The following TMEM132B variants were observed in gnomAD, a reference collection of about 807,000 sequenced individuals.
TMEM132B encodes transmembrane protein 132B.
A neutral mutation model predicts 90.8 loss-of-function variants in TMEM132B; 18 were observed. The observed-to-expected ratio is 0.20, with a 90% CI of 0.14 to 0.29. The LOEUF (loss-of-function observed/expected upper bound fraction) is 0.29, where lower values mean the gene tolerates loss of function less well. Among genes scored for constraint, TMEM132B ranks in the 10% least tolerant of loss-of-function variants. The pLI is 1.00. For missense variants in TMEM132B, 1,096 were observed against 1,326.8 expected (o/e 0.83, Z 2.70); for synonymous variants, 504 against 523.3 (o/e 0.96, Z 0.50).
chr12:125,528,398 T>C (rs989532373), intron 4 of TMEM132B, among the ~76,000 whole-genome samples: 2 of 152,266 alleles, frequency 1.3e-5, no homozygotes, highest in African/African-American at 2.4e-5. Context: ...TCTAGGCAAC[T>C]GGGCACATGG....
chr12:125,625,130 CTTTTTTTTTT>C (rs1169262449), intron 5 of TMEM132B, among the ~76,000 whole-genome samples: 24 of 103,906 alleles, frequency 2.3e-4, no homozygotes, highest in African/African-American at 8.6e-4. Context: ...GATTTGACTT[CTTTTTTTTTT>C]TTTTTTTTTT....
intron 4 of TMEM132B, among the ~76,000 whole-genome samples, chr12:125,563,598 C>CAAAAAAAAA (rs77003788): frequency 6.7e-6 from 1 of 150,180 alleles, no homozygotes; most frequent in African/African-American, 2.5e-5. Flanking sequence ...AACAAACAAA[C>CAAAAAAAAA]AAAAAAAAAC....
At chr12:125,471,794 C>G (rs752844203) in intron 3 of TMEM132B, among the ~76,000 whole-genome samples, 23 of 152,264 alleles carry the variant, frequency 1.5e-4, no homozygotes, top group Non-Finnish European at 2.8e-4. Context: ...CTCAAAATGT[C>G]CTGCTGAAGC....
intron 1 of TMEM132B, among the ~76,000 whole-genome samples, chr12:125,340,425 GAGACAC>G (rs1877143227): frequency 6.6e-6 from 1 of 151,974 alleles, no homozygotes; most frequent in South Asian, 2.1e-4. Flanking sequence ...TAAAAATGAA[GAGACAC>G]ACCCATCTAT....
chr12:125,257,741 T>C (rs1022822821), intron 1 of TMEM132B, among the ~76,000 whole-genome samples: 3 of 152,132 alleles, frequency 2.0e-5, no homozygotes, highest in Non-Finnish European at 4.4e-5. Flanking sequence ...GGTGGGCAGA[T>C]AGAGATTTGA....
rs371347177 is a variant in TMEM132B, at chr12:125,396,459, T to C, written c.960-19072T>C. Reference sequence around the variant, plus strand: ...TCTGTTCTAAGCACTTTGTATATACTGTCTCCATTTAATCCCTGCAGTGAC... The same window carrying C: ...TCTGTTCTAAGCACTTTGTATATACCGTCTCCATTTAATCCCTGCAGTGAC... On this transcript the variant is annotated intron_variant, in intron 2 of 8. Coordinates refer to ENST00000682704, the MANE Select transcript of TMEM132B (RefSeq NM_001366854.1). Among the ~76,000 whole-genome samples the C allele has an allele frequency of 2.2e-4, 34 of 152,294 alleles. No homozygotes were observed. In the East Asian group the frequency reaches 5.0e-3, roughly 22 times the overall value.
chr12:125,382,958 G>C (rs1878727219), intron 2 of TMEM132B, among the ~76,000 whole-genome samples: 1 of 152,190 alleles, frequency 6.6e-6, no homozygotes, highest in Non-Finnish European at 1.5e-5. Context: ...CCACAGAAGA[G>C]GGTTTTTTGA....
intron 4 of TMEM132B, among the ~76,000 whole-genome samples, chr12:125,548,618 G>T (rs1226543325): frequency 1.3e-5 from 2 of 152,232 alleles, no homozygotes; most frequent in East Asian, 1.9e-4. Flanking sequence ...TCTGGATGTC[G>T]TGAGTCCAGG....
At chr12:125,397,733 A>C (rs1879208037) in intron 2 of TMEM132B, among the ~76,000 whole-genome samples, 2 of 152,240 alleles carry the variant, frequency 1.3e-5, no homozygotes, top group African/African-American at 4.8e-5. Flanking sequence ...AACCTCTGTC[A>C]TGTCAGAATT....
chr12:125,489,382 A>T (rs928730853), intron 3 of TMEM132B, among the ~76,000 whole-genome samples: 5 of 151,908 alleles, frequency 3.3e-5, no homozygotes, highest in Non-Finnish European at 7.4e-5. Flanking sequence ...AAAAATTTTT[A>T]CTTATTTATT....
intron 1 of TMEM132B, among the ~76,000 whole-genome samples, chr12:125,208,067 C>T (rs767337287): frequency 5.3e-5 from 8 of 152,328 alleles, no homozygotes; most frequent in Admixed American, 2.0e-4. Flanking sequence ...GCATTCCCCA[C>T]GCCTCAGTTA....
At chr12:125,425,782 T>G (rs1880300463) in intron 3 of TMEM132B, among the ~76,000 whole-genome samples, 1 of 152,246 alleles carries the variant, frequency 6.6e-6, no homozygotes, top group African/African-American at 2.4e-5. Flanking sequence ...GCTTGATAGC[T>G]CATTTCTGTC....
intron 1 of TMEM132B, among the ~76,000 whole-genome samples, chr12:125,225,671 A>G (rs944303964): frequency 6.6e-6 from 1 of 152,186 alleles, no homozygotes; most frequent in Admixed American, 6.5e-5. Flanking sequence ...AGCCTTCCAC[A>G]TGGGGACTCA....
At chr12:125,194,268 TG>T (rs150191019) in intron 1 of TMEM132B, among the ~76,000 whole-genome samples, 28 of 149,624 alleles carry the variant, frequency 1.9e-4, no homozygotes, top group Non-Finnish European at 3.0e-5. Context: ...ATTAACCCGT[TG>T]GTGGGGGGGT....
At position 125,652,318 on chromosome 12, in the gene TMEM132B, G is replaced by A. The variant is rs968465320; in HGVS notation, c.1915-123G>A. ...ACAACGGCATAATACTTCCCTAACCGATTCCCACAAATGCATGCATTGAGC... is the reference window on the plus strand; with the variant it reads ...ACAACGGCATAATACTTCCCTAACCAATTCCCACAAATGCATGCATTGAGC... On this transcript the variant is annotated intron_variant, in intron 7 of 8. Transcript: ENST00000682704. 1.3e-5 allele frequency: 11 copies of A among 856,372 alleles called. 1 individual carries two copies. The highest frequency in any genetic ancestry group is 1.4e-5 in the Non-Finnish European group (8 of 569,948). The allele number at this position is 856,372 out of a possible 1,614,324, so 53.0% of individuals were successfully genotyped here. A position where few individuals can be genotyped will look rare whatever the true frequency, so the allele number is the denominator to read the frequency against.
intron 3 of TMEM132B, among the ~76,000 whole-genome samples, chr12:125,471,868 G>A (rs191949860): frequency 1.0e-3 from 155 of 152,298 alleles, no homozygotes; most frequent in Non-Finnish European, 1.8e-3. Flanking sequence ...AGTCACACAA[G>A]GGGTACAGGG....
chr12:125,564,632 G>A (rs1391070235), intron 4 of TMEM132B, among the ~76,000 whole-genome samples: 4 of 152,146 alleles, frequency 2.6e-5, no homozygotes, highest in African/African-American at 7.2e-5. Context: ...GAACTATTTC[G>A]ATCTTTTCTT....
chr12:125,289,020 A>G (rs1875455799), intron 1 of TMEM132B, among the ~76,000 whole-genome samples: 1 of 152,168 alleles, frequency 6.6e-6, no homozygotes, highest in Non-Finnish European at 1.5e-5. Flanking sequence ...TGAGTTTTCT[A>G]AACCTTATTG....
rs1043343707 is a variant in TMEM132B at position 125,658,145 on chromosome 12, A to G, written c.*3435A>G. The G allele has an allele frequency of 6.6e-6, 1 of 152,256 alleles. No homozygotes were observed. The highest frequency in any genetic ancestry group is 1.5e-5 in the Non-Finnish European group (1 of 68,050). 9.4% of individuals were successfully genotyped at this position (152,256 alleles called of 1,614,324 possible). ...TGCACACTGGCCAGGATAAATTCCC[A>G]GACTATAATAATCCTGACTATGTAG... On this transcript the variant is annotated 3_prime_UTR_variant, in exon 9 of 9. Transcript: ENST00000682704.
Sources: allele counts gnomAD v4.1 joint callset (sites outside exome capture counted in the v4.1 genomes callset), GRCh38; gene constraint gnomAD v4.1.1; transcripts MANE v1.5; gene names NCBI Gene and HGNC (gene_info 2026-07-23, HGNC 2026-07-21).